The following ATP10B variants were observed in gnomAD, a reference collection of about 807,000 sequenced individuals.
ATP10B encodes phospholipid-transporting ATPase VB.
A neutral mutation model predicts 141.2 loss-of-function variants in ATP10B; 122 were observed. That is an observed-to-expected ratio of 0.86 (90% confidence interval 0.75 to 1.00). The LOEUF is 1.00. ATP10B is among the 50% of genes least tolerant of loss of function. The pLI, the probability that ATP10B is intolerant of heterozygous loss-of-function variation, is 0.00. For synonymous variants in ATP10B, 685 were observed against 692.0 expected, an observed-to-expected ratio of 0.99 and a Z score of 0.16; for missense variants, 1,876 against 1,825.3, an observed-to-expected ratio of 1.03 and a Z score of -0.51.
At chr5:160,868,706 T>G in the ATP10B span, among the ~76,000 whole-genome samples, 1 of 152,112 alleles carries the variant, frequency 6.6e-6, no homozygotes, top group Non-Finnish European at 1.5e-5. Flanking sequence ...CCTCTAAGAC[T>G]TGCAGACTGG....
At chr5:160,801,830 C>T (rs954054406) in intron 1 of ATP10B, among the ~76,000 whole-genome samples, 4 of 152,126 alleles carry the variant, frequency 2.6e-5, no homozygotes, top group Non-Finnish European at 4.4e-5. Flanking sequence ...AAGAGGTTTA[C>T]GTGATCCTTC....
the ATP10B span, among the ~76,000 whole-genome samples, chr5:160,926,043 C>A: frequency 1.3e-5 from 2 of 152,238 alleles, no homozygotes; most frequent in African/African-American, 4.8e-5. Context: ...TGCTCTGAAT[C>A]AACCAGTTTG....
chr5:160,667,316 C>A (rs924954117), intron 7 of ATP10B, among the ~76,000 whole-genome samples: 4 of 152,184 alleles, frequency 2.6e-5, no homozygotes, highest in Non-Finnish European at 2.9e-5. Context: ...GCTCAGTGAC[C>A]TTGGGCAAGT....
At chr5:160,876,701 A>G in the ATP10B span, among the ~76,000 whole-genome samples, 4 of 152,044 alleles carry the variant, frequency 2.6e-5, no homozygotes, top group South Asian at 2.1e-4. Context: ...GATAAAGGGG[A>G]TATCACCACC....
At chr5:160,570,688 T>C (rs1414056925) in intron 24 of ATP10B, among the ~76,000 whole-genome samples, 1 of 152,226 alleles carries the variant, frequency 6.6e-6, no homozygotes, top group East Asian at 1.9e-4. Flanking sequence ...TTCACTAAGA[T>C]CTACTCACAT....
intron 9 of ATP10B, among the ~76,000 whole-genome samples, chr5:160,643,116 C>A (rs984628103): frequency 6.6e-6 from 1 of 152,216 alleles, no homozygotes; most frequent in Non-Finnish European, 1.5e-5. Flanking sequence ...TCTGAACTGA[C>A]AAATATAATC....
the ATP10B span, among the ~76,000 whole-genome samples, chr5:160,867,263 CAAT>C: frequency 6.6e-6 from 1 of 151,878 alleles, no homozygotes; most frequent in Non-Finnish European, 1.5e-5. Flanking sequence ...TATTACCACT[CAAT>C]AACCCATTTG....
chr5:160,867,247 G>T, the ATP10B span, among the ~76,000 whole-genome samples: 1 of 151,592 alleles, frequency 6.6e-6, no homozygotes, highest in Non-Finnish European at 1.5e-5. Flanking sequence ...GCTTAAAAAT[G>T]GTGGCTATTA....
chr5:160,802,012 A>G (rs1011182168), intron 1 of ATP10B, among the ~76,000 whole-genome samples: 1 of 152,188 alleles, frequency 6.6e-6, no homozygotes, highest in African/African-American at 2.4e-5. Flanking sequence ...GTTTGCCAGC[A>G]TAGTAGAGTT....
chr5:160,747,097 A>C (rs1203875918), intron 2 of ATP10B, among the ~76,000 whole-genome samples: 3 of 152,234 alleles, frequency 2.0e-5, no homozygotes, highest in Non-Finnish European at 4.4e-5. Flanking sequence ...CCTGAGCCTC[A>C]GTCCTACAAG....
chr5:160,602,761 A>G, intron 20 of ATP10B, 59 bp from the exon 21 acceptor site: 1 of 1,608,474 alleles, frequency 6.2e-7, no homozygotes, highest in Non-Finnish European at 8.5e-7. Context: ...CCCCAGAGGG[A>G]CTCTCTCAAG....
the ATP10B span, among the ~76,000 whole-genome samples, chr5:160,864,907 ACTG>A: frequency 6.6e-6 from 1 of 152,094 alleles, no homozygotes; most frequent in Non-Finnish European, 1.5e-5. Context: ...ATGACAGAAC[ACTG>A]CTGAAAGAAA....
chr5:160,846,528 T>C (rs1405901869), intron 1 of ATP10B, among the ~76,000 whole-genome samples: 1 of 152,124 alleles, frequency 6.6e-6, no homozygotes. Flanking sequence ...GCTAGTAGTT[T>C]TTACTCTATA....
At chr5:160,887,695 C>T in the ATP10B span, among the ~76,000 whole-genome samples, 3 of 152,188 alleles carry the variant, frequency 2.0e-5, no homozygotes, top group African/African-American at 7.2e-5. Flanking sequence ...ATACATGGAT[C>T]ACAAACCCTC....
intron 24 of ATP10B, among the ~76,000 whole-genome samples, chr5:160,584,632 G>A (rs1388226733): frequency 7.2e-5 from 11 of 152,072 alleles, no homozygotes; most frequent in Non-Finnish European, 1.6e-4. Context: ...AGTTAAATGT[G>A]TATTTTTATT....
At chr5:160,829,333 G>A (rs1338806538) in intron 1 of ATP10B, among the ~76,000 whole-genome samples, 3 of 152,076 alleles carry the variant, frequency 2.0e-5, no homozygotes, top group African/African-American at 7.2e-5. Flanking sequence ...GTTTGTGCCA[G>A]TACCATGCTG....
intron 2 of ATP10B, among the ~76,000 whole-genome samples, chr5:160,738,126 G>T (rs1011561352): frequency 6.6e-6 from 1 of 151,888 alleles, no homozygotes; most frequent in East Asian, 1.9e-4. Flanking sequence ...AAAATTAATA[G>T]CAATAAGGTA....
chr5:160,680,939 G>A (rs528165815), intron 6 of ATP10B, among the ~76,000 whole-genome samples: 1 of 152,302 alleles, frequency 6.6e-6, no homozygotes, highest in South Asian at 2.1e-4. Flanking sequence ...ATGTAGATGT[G>A]AGGGCTGGAG....
chr5:160,580,251 G>A (rs1007182291), intron 24 of ATP10B, among the ~76,000 whole-genome samples: 1 of 152,122 alleles, frequency 6.6e-6, no homozygotes, highest in Non-Finnish European at 1.5e-5. Flanking sequence ...CGGTTTTCAA[G>A]GGGAATGTTT....
Sources: allele counts gnomAD v4.1 joint callset (sites outside exome capture counted in the v4.1 genomes callset), GRCh38; gene constraint gnomAD v4.1.1; transcripts MANE v1.5; gene names NCBI Gene and HGNC (gene_info 2026-07-23, HGNC 2026-07-21).